The following STN1 variants were observed in gnomAD, a reference collection of about 807,000 sequenced individuals.
STN1 encodes the protein CST complex subunit STN1.
STN1 carries 29 observed loss-of-function variants against 45.5 expected under a neutral mutation model. That is an observed-to-expected ratio of 0.64 (90% CI 0.47 to 0.87). The LOEUF is 0.87. Among genes scored for constraint, STN1 ranks in the 40% least tolerant of loss-of-function variants. STN1 has a pLI of 0.00. For synonymous variants in STN1, 148 were observed against 159.0 expected, an observed-to-expected ratio of 0.93 and a Z score of 0.52; for missense variants, 376 against 441.4, an observed-to-expected ratio of 0.85 and a Z score of 1.33.
intron 7 of STN1, 67 bp downstream of exon 7, chr10:103,897,481 A>C (rs1187295011): frequency 7.3e-7 from 1 of 1,376,436 alleles, no homozygotes; most frequent in East Asian, 2.3e-5. Flanking sequence ...AGTCACTTTC[A>C]CCCACACCTG....
At chr10:103,891,309 G>A (rs1198104638) in intron 8 of STN1, among the ~76,000 whole-genome samples, 3 of 152,190 alleles carry the variant, frequency 2.0e-5, no homozygotes, top group East Asian at 3.8e-4. Flanking sequence ...ATGTTAAAAA[G>A]AACGAGGTAG....
chr10:103,888,741 GT>G (rs1005641614), intron 9 of STN1, among the ~76,000 whole-genome samples: 5 of 152,190 alleles, frequency 3.3e-5, no homozygotes, highest in Non-Finnish European at 7.3e-5. Context: ...AAACGTCCTA[GT>G]GTGGTGACCT....
At chr10:103,899,408 T>C (rs1564633374) in intron 5 of STN1, among the ~76,000 whole-genome samples, 1 of 152,216 alleles carries the variant, frequency 6.6e-6, no homozygotes, top group African/African-American at 2.4e-5. Flanking sequence ...ATTCAAGAAA[T>C]TTCTGGCCAG....
intron 2 of STN1, among the ~76,000 whole-genome samples, chr10:103,917,153 C>T (rs1045839193): frequency 6.6e-6 from 1 of 150,430 alleles, no homozygotes; most frequent in African/African-American, 2.5e-5. Context: ...GCGATCTCTC[C>T]AACAGGAGCA....
intron 7 of STN1, among the ~76,000 whole-genome samples, chr10:103,893,009 C>T (rs1335654473): frequency 2.6e-5 from 4 of 152,118 alleles, no homozygotes; most frequent in Non-Finnish European, 5.9e-5. Flanking sequence ...TTCATCTTGG[C>T]CACCTCCTCC....
At chr10:103,888,634 T>C (rs570596738) in intron 9 of STN1, among the ~76,000 whole-genome samples, 3 of 152,266 alleles carry the variant, frequency 2.0e-5, no homozygotes, top group South Asian at 4.2e-4. Context: ...GATGTTAGAA[T>C]AGAGGGAAAT....
intron 8 of STN1, among the ~76,000 whole-genome samples, chr10:103,889,695 C>CTTTTT (rs58738841): frequency 3.3e-5 from 4 of 122,118 alleles, no homozygotes; most frequent in East Asian, 2.7e-4. Flanking sequence ...TTTCTTTTTC[C>CTTTTT]TTTTTTTTTT....
chr10:103,904,110 T>C (rs71473506), intron 4 of STN1, among the ~76,000 whole-genome samples: 13 of 152,174 alleles, frequency 8.5e-5, no homozygotes, highest in Non-Finnish European at 1.5e-4. Flanking sequence ...CTAGATATTC[T>C]TACCATACAT....
At chr10:103,911,167 ACT>A (rs1843288371) in intron 2 of STN1, among the ~76,000 whole-genome samples, 2 of 151,958 alleles carry the variant, frequency 1.3e-5, no homozygotes, top group Admixed American at 1.3e-4. Flanking sequence ...TCTTTTTAAA[ACT>A]CTGTTTTCAA....
At chr10:103,914,924 C>T (rs1394970980) in intron 2 of STN1, among the ~76,000 whole-genome samples, 1 of 152,186 alleles carries the variant, frequency 6.6e-6, no homozygotes, top group Non-Finnish European at 1.5e-5. Flanking sequence ...TGAGAGTCCT[C>T]AGGCCAACTG....
chr10:103,896,403 G>A (rs1843171196), intron 7 of STN1, among the ~76,000 whole-genome samples: 1 of 152,030 alleles, frequency 6.6e-6, no homozygotes, highest in African/African-American at 2.4e-5. Flanking sequence ...GGCCAGGGAG[G>A]GCAAGGAGGG....
At chr10:103,900,519 C>G (rs138600373) in intron 4 of STN1, among the ~76,000 whole-genome samples, 95 of 152,312 alleles carry the variant, frequency 6.2e-4, no homozygotes, top group African/African-American at 2.2e-3. Context: ...CCAGTGCAGT[C>G]AAAGGGCTCT....
At chr10:103,913,288 C>T (rs966747997) in intron 2 of STN1, among the ~76,000 whole-genome samples, 5 of 152,176 alleles carry the variant, frequency 3.3e-5, no homozygotes, top group Admixed American at 3.3e-4. Context: ...TAATAAAAAT[C>T]TGAACAGGTC....
intron 9 of STN1, among the ~76,000 whole-genome samples, chr10:103,883,186 C>T (rs1284578445): frequency 6.6e-6 from 1 of 152,170 alleles, no homozygotes; most frequent in Non-Finnish European, 1.5e-5. Flanking sequence ...GTAACGTATT[C>T]AGTGCCAAAC....
chr10:103,886,483 A>G (rs1843104314), intron 9 of STN1, among the ~76,000 whole-genome samples: 1 of 151,834 alleles, frequency 6.6e-6, no homozygotes, highest in African/African-American at 2.4e-5. Context: ...GCTCTTTTGG[A>G]TAATTTGCCA....
chr10:103,915,535 G>T (rs1453285356), intron 2 of STN1, among the ~76,000 whole-genome samples: 1 of 152,220 alleles, frequency 6.6e-6, no homozygotes, highest in Non-Finnish European at 1.5e-5. Context: ...GCAAAGGTCA[G>T]TGAAATTCTT....
At chr10:103,909,444 G>GTA (rs1243743059) in intron 3 of STN1, among the ~76,000 whole-genome samples, 14 of 49,904 alleles carry the variant, frequency 2.8e-4, no homozygotes, top group African/African-American at 5.3e-4. Flanking sequence ...GTATATATAT[G>GTA]TATATATGTA....
chr10:103,914,372 A>T (rs765083935), intron 2 of STN1, among the ~76,000 whole-genome samples: 58,063 of 82,272 alleles, frequency 0.71, 17,652 homozygotes, highest in East Asian at 0.78. Flanking sequence ...ATATATATAT[A>T]TATTTTTTTT....
chr10:103,916,852 A>G (rs540098516), intron 2 of STN1, among the ~76,000 whole-genome samples: 224 of 152,144 alleles, frequency 1.5e-3, no homozygotes, highest in Non-Finnish European at 2.6e-3. Flanking sequence ...TTCAACTGCT[A>G]TTTCTATTTG....
Sources: gnomAD v4.1 joint callset for allele counts (sites outside exome capture counted in the v4.1 genomes callset) on GRCh38, gnomAD v4.1.1 for gene constraint, MANE v1.5 for transcripts, NCBI Gene and HGNC (gene_info 2026-07-23, HGNC 2026-07-21) for gene names.